The following ADAMTS2 variants were observed in gnomAD, a reference collection of about 807,000 sequenced individuals.
ADAMTS2 encodes ADAM metallopeptidase with thrombospondin type 1 motif 2.
ADAMTS2 carries 50 observed loss-of-function variants against 123.0 expected under a neutral mutation model. That is an observed-to-expected ratio of 0.41 (90% CI 0.32 to 0.51). The LOEUF is 0.51. Ranked by LOEUF, ADAMTS2 falls within the 20% of genes least tolerant of loss-of-function variation. The pLI is 0.35. For synonymous variants in ADAMTS2, 678 were observed against 695.4 expected (o/e 0.98, Z 0.39); for missense variants, 1,494 against 1,705.2 (o/e 0.88, Z 2.18).
At chr5:179,318,775 C>T (rs968309255) in intron 2 of ADAMTS2, among the ~76,000 whole-genome samples, 5 of 151,612 alleles carry the variant, frequency 3.3e-5, no homozygotes, top group Non-Finnish European at 7.4e-5. Flanking sequence ...ACACTGATGT[C>T]GCTGTTTGAG....
Position 179,129,640 on chromosome 5 carries a change from G to C in ADAMTS2, c.2457+292C>G, listed in dbSNP as rs1284898405. On this transcript the variant is annotated intron_variant, in intron 16 of 21. Transcript: ENST00000251582. The surrounding 1 kb of genome is among the most constrained non-coding windows in gnomAD (Gnocchi z 4.1). ...TTCCAATGTAACAGCACACTCGAAC[G>C]AGCATGCTGATGGCAGCTGTGAATG... Among the ~76,000 whole-genome samples, 3 of 152,152 alleles carry C rather than the reference G, an allele frequency of 2.0e-5. No homozygotes were observed. Among genetic ancestry groups the C allele is most frequent in the East Asian group, 3.9e-4 (2 of 5,172 alleles).
Position 179,345,105 on chromosome 5 carries a change from G to T in ADAMTS2, c.139+85C>A. Reference sequence around the variant, plus strand: ...GGAGTTTGCCCAAGTCAGGCTGGACGACGCCTGGGGAGGGGGCGGCGGGGC... The same window carrying T: ...GGAGTTTGCCCAAGTCAGGCTGGACTACGCCTGGGGAGGGGGCGGCGGGGC... On this transcript the variant is annotated intron_variant, in intron 1 of 21. Coordinates refer to ENST00000251582, the MANE Select transcript of ADAMTS2 (RefSeq NM_014244.5). This position sits in a 1 kb window ranked among gnomAD's most constrained non-coding sequence, Gnocchi z 7.5. 1.0e-6 allele frequency: 1 copy of T among 987,248 alleles called. No homozygotes were observed. Among genetic ancestry groups the T allele is most frequent in the Non-Finnish European group, 1.2e-6 (1 of 816,738 alleles). The allele number at this position is 987,248 out of a possible 1,614,324, so 61.2% of individuals were successfully genotyped here. A position where few individuals can be genotyped will look rare whatever the true frequency, so the allele number is the denominator to read the frequency against.
chr5:179,206,021 A>G (rs984441751), intron 4 of ADAMTS2, among the ~76,000 whole-genome samples: 21 of 152,128 alleles, frequency 1.4e-4, no homozygotes, highest in Non-Finnish European at 3.1e-4. Flanking sequence ...GGCCTCCCAA[A>G]GTGCTGGGAT....
chr5:179,293,795 T>G (rs1157136010), intron 2 of ADAMTS2, among the ~76,000 whole-genome samples: 2 of 151,784 alleles, frequency 1.3e-5, no homozygotes, highest in Non-Finnish European at 2.9e-5. Flanking sequence ...TTTTTTTTTT[T>G]GTATTTTTTT....
chr5:179,315,256 T>TGAGGCCACAGTTGGCTTCTGGAAAGCACA (rs1756956962), intron 2 of ADAMTS2, among the ~76,000 whole-genome samples: 1 of 152,052 alleles, frequency 6.6e-6, no homozygotes. Flanking sequence ...TGGAAAGCAC[T>TGAGGCCACAGTTGGCTTCTGGAAAGCACA]GAGGCCACAG....
chr5:179,322,751 C>T (rs1286078114), intron 2 of ADAMTS2, among the ~76,000 whole-genome samples: 2 of 152,194 alleles, frequency 1.3e-5, no homozygotes, highest in Non-Finnish European at 2.9e-5. Context: ...CCAAATGTGG[C>T]GATGCAAACT....
intron 11 of ADAMTS2, among the ~76,000 whole-genome samples, chr5:179,139,335 G>A (rs1317027753): frequency 6.6e-6 from 1 of 152,046 alleles, no homozygotes; most frequent in Non-Finnish European, 1.5e-5. Context: ...GGTGTGTGGG[G>A]GTGAGGTGGG....
Position 179,114,308 on chromosome 5 carries a change from G to A in ADAMTS2, c.3195C>T (p.Gly1065=), listed in dbSNP as rs778572930. The A allele has an allele frequency of 1.4e-4, 223 of 1,613,614 alleles. No homozygotes were observed. The highest frequency in any genetic ancestry group is 7.5e-4 in the Admixed American group (45 of 59,940). ...RKISSKGHCQ[G]DKSIFCRMEV... is the part of the protein sequence containing the mutation. ...CCATCCTACAGAATATTGACTTGTCGCCTTGGCAGTGGCCCTCTGAAAAAG... is the reference window on the plus strand; with the variant it reads ...CCATCCTACAGAATATTGACTTGTCACCTTGGCAGTGGCCCTCTGAAAAAG... The change falls in exon 22 of 22, where the codon GGC becomes GGT. Residue 1065 remains glycine (G), a synonymous_variant. Coordinates refer to ENST00000251582, the MANE Select transcript of ADAMTS2 (RefSeq NM_014244.5).
At chr5:179,298,256 C>T (rs458608) in intron 2 of ADAMTS2, among the ~76,000 whole-genome samples, 1 of 152,152 alleles carries the variant, frequency 6.6e-6, no homozygotes, top group African/African-American at 2.4e-5. Flanking sequence ...TGTGGCAGGC[C>T]TGGCCCTGCC....
At chr5:179,226,198 A>G (rs530776493) in intron 3 of ADAMTS2, among the ~76,000 whole-genome samples, 7 of 139,296 alleles carry the variant, frequency 5.0e-5, no homozygotes, top group Admixed American at 3.5e-4. Flanking sequence ...TTTCTTCTTT[A>G]TCTCTTTCTT....
intron 3 of ADAMTS2, among the ~76,000 whole-genome samples, chr5:179,240,952 A>G (rs1029669181): frequency 2.6e-5 from 4 of 152,174 alleles, no homozygotes; most frequent in Non-Finnish European, 4.4e-5. Context: ...AACGTTAATG[A>G]GCTTGGCTTA....
chr5:179,287,712 G>A (rs927146597), intron 2 of ADAMTS2, among the ~76,000 whole-genome samples: 8 of 152,244 alleles, frequency 5.3e-5, no homozygotes, highest in Admixed American at 5.2e-4. Context: ...CCAGGAGGCA[G>A]GGTCTGCTCC....
rs970117348 is a variant in ADAMTS2, at chr5:179,118,226, A to G, written c.3178+3435T>C. ...GCAAATAGCCTAGGAAAATTTCAAA[A>G]TAGCCTAGAAAAATTTCAAAGTCAT... On this transcript the variant is annotated intron_variant, in intron 21 of 21. Coordinates refer to ENST00000251582, the MANE Select transcript of ADAMTS2 (RefSeq NM_014244.5). This position sits in a 1 kb window ranked among gnomAD's most constrained non-coding sequence, Gnocchi z 4.5. Among the ~76,000 whole-genome samples the G allele has an allele frequency of 3.3e-5, 5 of 152,286 alleles. No individual in the cohort carries two copies. Among genetic ancestry groups the G allele is most frequent in the Non-Finnish European group, 7.3e-5 (5 of 68,056 alleles).
chr5:179,142,501 T>A (rs191212649), intron 10 of ADAMTS2, among the ~76,000 whole-genome samples: 2 of 152,314 alleles, frequency 1.3e-5, no homozygotes, highest in Admixed American at 6.5e-5. Context: ...GCAAGCTATA[T>A]ACCCCAGGAC....
In ADAMTS2 at chr5:179,128,040, T is replaced by C. The variant is rs1762890295; in HGVS notation, c.2536A>G (p.Asn846Asp). ...IHEDSLNVDD[N>D]NVLEEDSVVY... The stretch of plus-strand genomic sequence containing the variant: ...ACAGAGTCCTCTTCCAGGACGTTGT[T>C]GTCGTCGACATTCAGTGAGTCCTCA... Residue 846 changes from asparagine to aspartate, a missense_variant, in exon 17 of 22, where the codon AAC becomes GAC. By Grantham distance (23) the Asn-to-Asp change is conservative (BLOSUM62 1). Coordinates refer to ENST00000251582, the MANE Select transcript of ADAMTS2 (RefSeq NM_014244.5). The surrounding 1 kb of genome is among the most constrained non-coding windows in gnomAD (Gnocchi z 4.9). The C allele has an allele frequency of 6.2e-7, 1 of 1,614,102 alleles. No homozygotes were observed. Among genetic ancestry groups the C allele is most frequent in the South Asian group, 1.1e-5 (1 of 91,078 alleles).
In ADAMTS2 at chr5:179,325,570, C is replaced by T. The variant is rs146954867; in HGVS notation, c.534+18197G>A. Among the ~76,000 whole-genome samples the T allele has an allele frequency of 1.3e-3, 193 of 152,368 alleles. 1 individual carries two copies. Among genetic ancestry groups the T allele is most frequent in the African/African-American group, 4.2e-3 (176 of 41,578 alleles). ...GGCCTGGCCAGCCGAAGTCCTGCTC[C>T]GCTGTCCTGGCCATAGTGATTTGCC... is the stretch of plus-strand genomic sequence containing the variant. On this transcript the variant is annotated intron_variant, in intron 2 of 21. Transcript: ENST00000251582.
At position 179,272,423 on chromosome 5, in the gene ADAMTS2, C is replaced by A. The variant is rs543416694; in HGVS notation, c.688+488G>T. ...AGCATGCAGGGCCTTTCTCCCTGAG[C>A]AGCCAGGTGAGGGTTGGGACCTACC... is the stretch of plus-strand genomic sequence containing the variant. On this transcript the variant is annotated intron_variant, in intron 3 of 21. Coordinates refer to ENST00000251582, the MANE Select transcript of ADAMTS2 (RefSeq NM_014244.5). The surrounding 1 kb of genome is among the most constrained non-coding windows in gnomAD (Gnocchi z 5.8). Among the ~76,000 whole-genome samples the A allele has an allele frequency of 6.6e-6, 1 of 152,322 alleles. No individual in the cohort carries two copies. The highest frequency in any genetic ancestry group is 1.5e-5 in the Non-Finnish European group (1 of 68,018).
At chr5:179,237,978 A>G (rs764773121) in intron 3 of ADAMTS2, among the ~76,000 whole-genome samples, 5 of 152,270 alleles carry the variant, frequency 3.3e-5, no homozygotes, top group Non-Finnish European at 7.4e-5. Context: ...CAGTTACTTA[A>G]CCAGAACTTG....
At chr5:179,145,223 CAAATA>C (rs1320903505) in intron 10 of ADAMTS2, among the ~76,000 whole-genome samples, 1 of 152,056 alleles carries the variant, frequency 6.6e-6, no homozygotes, top group African/African-American at 2.4e-5. Context: ...ATTGGTATAA[CAAATA>C]AAATAACAAG....
Sources: gnomAD v4.1 joint callset for allele counts (sites outside exome capture counted in the v4.1 genomes callset) on GRCh38, gnomAD v4.1.1 for gene constraint, Gnocchi (gnomAD v3.1) non-coding constraint, MANE v1.5 for transcripts, NCBI Gene and HGNC (gene_info 2026-07-23, HGNC 2026-07-21) for gene names.